Variants in PRMT2 observed in about 807,000 individuals in gnomAD.
The protein encoded by PRMT2 is protein arginine methyltransferase 2.
A neutral mutation model predicts 57.6 loss-of-function variants in PRMT2; 26 were observed. The ratio of observed to expected loss-of-function variants is 0.45; its 90% CI spans 0.33 to 0.63. The LOEUF (loss-of-function observed/expected upper bound fraction) is 0.63. Ranked by LOEUF, PRMT2 falls within the 20% of genes least tolerant of loss-of-function variation. PRMT2 has a pLI of 0.02. For synonymous variants in PRMT2, 219 were observed against 220.0 expected (o/e 1.00, Z 0.04); for missense variants, 472 against 564.4 (o/e 0.84, Z 1.66).
intron 3 of PRMT2, 29 bp downstream of exon 3, chr21:46,637,019 T>C (rs1207738367): frequency 6.2e-7 from 1 of 1,610,334 alleles, no homozygotes; most frequent in African/African-American, 1.3e-5. Flanking sequence ...CCTAAAAATC[T>C]GTGTTTAATG....
At chr21:46,659,681 T>C in intron 8 of PRMT2, 3 of 985,402 alleles carry the variant, frequency 3.0e-6, no homozygotes, top group Non-Finnish European at 3.6e-6. Flanking sequence ...GAGGTGTGGC[T>C]GCCAGGGCCT....
chr21:46,658,680 G>T (rs1314537488), intron 7 of PRMT2, 65 bp from the exon 8 acceptor site: 8 of 1,581,054 alleles, frequency 5.1e-6, no homozygotes, highest in Non-Finnish European at 6.9e-6. Flanking sequence ...GAATGTGGTG[G>T]TGAGAGGCCT....
In PRMT2 at chr21:46,648,765, G is replaced by T. The variant is rs2061404454; in HGVS notation, c.489+146G>T. 3 of 1,064,922 alleles carry T rather than the reference G, an allele frequency of 2.8e-6. No homozygotes were observed. The highest frequency in any genetic ancestry group is 4.0e-6 in the Non-Finnish European group (3 of 743,048). 66.0% of individuals were successfully genotyped at this position (1,064,922 alleles called of 1,614,324 possible). A position where few individuals can be genotyped will look rare whatever the true frequency, so the allele number is the denominator to read the frequency against. On this transcript the variant is annotated intron_variant, in intron 6 of 11. Transcript: ENST00000355680. This position sits in a 1 kb window ranked among gnomAD's most constrained non-coding sequence, Gnocchi z 4.8. ...TCTTGTTGAGCACCCTGCACGTGGG[G>T]CTCAGGGTCGGTAAAATAGCAGTGC...
chr21:46,647,686 T>G (rs1054130230), intron 5 of PRMT2, among the ~76,000 whole-genome samples: 1 of 152,190 alleles, frequency 6.6e-6, no homozygotes, highest in Non-Finnish European at 1.5e-5. Context: ...TTTTAAACAA[T>G]GAGATTTTAA....
Position 46,664,732 on chromosome 21 carries a change from T to G in PRMT2, c.*405T>G. On this transcript the variant is annotated 3_prime_UTR_variant, in exon 12 of 12. Transcript: ENST00000355680. ...CCACCTCCTATGTTAGTGGTGCCCT[T>G]ACTGCCGTCGCTCATCCACTCGTGT... The G allele has an allele frequency of 4.1e-6, 1 of 244,844 alleles. No individual in the cohort carries two copies. Among genetic ancestry groups the G allele is most frequent in the Non-Finnish European group, 8.2e-6 (1 of 122,400 alleles). 15.2% of individuals were successfully genotyped at this position (244,844 alleles called of 1,614,324 possible).
intron 5 of PRMT2, among the ~76,000 whole-genome samples, chr21:46,644,930 A>C (rs2061337461): frequency 6.6e-6 from 1 of 151,978 alleles, no homozygotes; most frequent in African/African-American, 2.4e-5. Context: ...AAAAGCAGTA[A>C]ATTTTACTTT....
intron 9 of PRMT2, 39 bp from the exon 10 acceptor site, chr21:46,661,761 C>G (rs1413291169): frequency 4.1e-5 from 53 of 1,301,826 alleles, no homozygotes; most frequent in Non-Finnish European, 5.0e-5. Context: ...TGCGGTGCCA[C>G]GCGGTGCCCA....
rs775199653 is a variant in PRMT2 at position 46,649,649 on chromosome 21, C to T, written c.564C>T (p.Ile188=). 3.1e-6 allele frequency: 5 copies of T among 1,614,142 alleles called. No individual in the cohort carries two copies. Among genetic ancestry groups the T allele is most frequent in the Non-Finnish European group, 3.4e-6 (4 of 1,180,040 alleles). Residue 188 remains isoleucine, a synonymous_variant, in exon 7 of 12, where the codon ATC becomes ATT. Coordinates refer to ENST00000355680, the MANE Select transcript of PRMT2 (RefSeq NM_206962.4). The surrounding 1 kb of genome is among the most constrained non-coding windows in gnomAD (Gnocchi z 4.8). ...TCCTGCAGAACGGCTTTGCTGACAT[C>T]ATCACCGTGTACCAGCAGAAGGTGG... The part of the protein sequence containing the change: ...QLVLQNGFAD[I]ITVYQQKVED...
rs544293618 is a variant in PRMT2 at position 46,649,359 on chromosome 21, C to T, written c.490-216C>T. Among the ~76,000 whole-genome samples the T allele has an allele frequency of 9.8e-5, 15 of 152,292 alleles. No homozygotes were observed. The highest frequency in any genetic ancestry group is 6.2e-4 in the South Asian group (3 of 4,822). On this transcript the variant is annotated intron_variant, in intron 6 of 11. Transcript: ENST00000355680. The surrounding 1 kb of genome is among the most constrained non-coding windows in gnomAD (Gnocchi z 4.8). ...TGCAGCCCTGCGTCTGTGTCTTGTC[C>T]GGGAGGTGGGGGCAGTTGGGAGGGT...
intron 5 of PRMT2, among the ~76,000 whole-genome samples, chr21:46,645,721 GTTTT>G (rs975286483): frequency 7.0e-6 from 1 of 142,148 alleles, no homozygotes; most frequent in African/African-American, 2.6e-5. Flanking sequence ...GTTTGTTTTT[GTTTT>G]TTTTTTTTTG....
intron 7 of PRMT2, chr21:46,653,626 T>C (rs1298612606): frequency 1.7e-6 from 2 of 1,194,666 alleles, no homozygotes; most frequent in Non-Finnish European, 2.1e-6. Context: ...TGTTCATGTT[T>C]TATGCCTTGA....
intron 3 of PRMT2, among the ~76,000 whole-genome samples, chr21:46,642,324 T>G (rs1049890749): frequency 2.0e-5 from 3 of 151,608 alleles, no homozygotes; most frequent in African/African-American, 4.8e-5. Flanking sequence ...AGGTAAGTCC[T>G]GATAATTCAT....
rs74653623 is a variant in PRMT2, at chr21:46,650,673, C to T, written c.654+934C>T. On this transcript the variant is annotated intron_variant, in intron 7 of 11. Transcript: ENST00000355680. ...AAGTATCTGTTGACAGCTGGTGCCC[C>T]GGCCACGGGGACAAAAAGAGGACAG... Among the ~76,000 whole-genome samples, 114 of 152,296 alleles carry T rather than the reference C, an allele frequency of 7.5e-4. No homozygotes were observed. In the East Asian group the frequency reaches 0.021, roughly 28 times the overall value.
chr21:46,645,795 C>T (rs1052009827), intron 5 of PRMT2, among the ~76,000 whole-genome samples: 1 of 151,672 alleles, frequency 6.6e-6, no homozygotes, highest in African/African-American at 2.4e-5. Flanking sequence ...TAGTTCACTG[C>T]AGCCTCTGCC....
chr21:46,659,634 T>C (rs1174262634), intron 8 of PRMT2: 8 of 985,236 alleles, frequency 8.1e-6, no homozygotes, highest in Non-Finnish European at 9.6e-6. Context: ...AAAGAGTAAA[T>C]TAAAATAGTA....
At chr21:46,657,330 A>G (rs1341910409) in intron 7 of PRMT2, 3 of 151,884 alleles carry the variant, frequency 2.0e-5, no homozygotes, top group Non-Finnish European at 4.4e-5. Context: ...CTGTGTTCAC[A>G]CAAAAACCTG....
intron 3 of PRMT2, 60 bp from the exon 4 acceptor site, chr21:46,643,475 C>CAGA (rs113903382): frequency 9.7e-5 from 120 of 1,232,954 alleles, no homozygotes; most frequent in Non-Finnish European, 1.1e-4. Context: ...ATAATATAGC[C>CAGA]AAAAAAAAAA....
At chr21:46,663,615 G>C (rs1569167150) in intron 11 of PRMT2, 61 bp downstream of exon 11, 2 of 1,553,646 alleles carry the variant, frequency 1.3e-6, no homozygotes, top group African/African-American at 1.4e-5. Context: ...AGACAGGCCT[G>C]GGTGGTGGTA....
chr21:46,661,688 C>G, intron 9 of PRMT2, 112 bp from the exon 10 acceptor site: 1 of 1,117,806 alleles, frequency 8.9e-7, no homozygotes, highest in Non-Finnish European at 1.1e-6. Context: ...GGCTTTTCTA[C>G]GGTTCCTGAC....
Sources: gnomAD v4.1 joint callset for allele counts (sites outside exome capture counted in the v4.1 genomes callset) on GRCh38, gnomAD v4.1.1 for gene constraint, Gnocchi (gnomAD v3.1) non-coding constraint, MANE v1.5 for transcripts, NCBI Gene and HGNC (gene_info 2026-07-23, HGNC 2026-07-21) for gene names.